Variants in OSGIN1 observed in about 807,000 individuals in gnomAD.
OSGIN1 encodes the protein oxidative stress-induced growth inhibitor 1.
A neutral mutation model predicts 20.1 loss-of-function variants in OSGIN1; 19 were observed. That is an observed-to-expected ratio of 0.95 (90% CI 0.66 to 1.39). OSGIN1 has a LOEUF of 1.39. Among genes scored for constraint, OSGIN1 ranks in the 40% most tolerant of loss-of-function variants. OSGIN1 has a pLI of 0.00. For missense variants in OSGIN1, 820 were observed against 653.0 expected (o/e 1.26, Z -2.79); for synonymous variants, 368 against 297.8 (o/e 1.24, Z -2.43).
chr16:83,955,791 A>C (rs1908898436), intron 1 of OSGIN1, among the ~76,000 whole-genome samples: 1 of 152,122 alleles, frequency 6.6e-6, no homozygotes, highest in South Asian at 2.1e-4. Context: ...GCTGAGCATG[A>C]AGAGGCCATG....
chr16:83,957,159 C>A (rs1908968757), intron 1 of OSGIN1: 1 of 158,204 alleles, frequency 6.3e-6, no homozygotes, highest in Non-Finnish European at 1.4e-5. Context: ...GATGAGGAAA[C>A]TGAGACCCAG....
chr16:83,957,737 G>A lies in OSGIN1; in HGVS notation c.66G>A (p.Val22=). Residue 22 remains valine (V), a splice_region_variant and synonymous_variant, in exon 2 of 6, where the codon GTG becomes GTA. Coordinates refer to ENST00000393306, the MANE Select transcript of OSGIN1 (RefSeq NM_182981.3). ...SSSEPLPVII[V]GNGPSGICLS... ...CAGAGCCCCTCCCGGTCATCATTGTGGGTGAGTGTCAGGCCCCAGCCAGGG... is the reference window on the plus strand; with the variant it reads ...CAGAGCCCCTCCCGGTCATCATTGTAGGTGAGTGTCAGGCCCCAGCCAGGG... 1 of 1,581,278 alleles carries A rather than the reference G, an allele frequency of 6.3e-7. No individual in the cohort carries two copies. The highest frequency in any genetic ancestry group is 2.3e-5 in the East Asian group (1 of 43,056).
intron 1 of OSGIN1, among the ~76,000 whole-genome samples, chr16:83,956,183 A>C (rs1021437252): frequency 1.3e-5 from 2 of 152,220 alleles, no homozygotes; most frequent in Admixed American, 6.5e-5. Context: ...AGGTCCTCTC[A>C]GTGGCCCATC....
At position 83,953,318 on chromosome 16, in the gene OSGIN1, C is replaced by A; in HGVS notation, c.-85C>A. ...CTGTGATCCGTGTTCCCCTGACCCT[C>A]CTAGTGCACAACTTGGCCGGGCTCA... On this transcript the variant is annotated 5_prime_UTR_variant, in exon 1 of 6. Coordinates refer to ENST00000393306, the MANE Select transcript of OSGIN1 (RefSeq NM_182981.3). 7.8e-7 allele frequency: 1 copy of A among 1,289,012 alleles called. No individual in the cohort carries two copies. The highest frequency in any genetic ancestry group is 1.0e-6 in the Non-Finnish European group (1 of 988,578). The allele number at this position is 1,289,012 out of a possible 1,614,324, so 79.8% of individuals were successfully genotyped here. A position where few individuals can be genotyped will look rare whatever the true frequency, so the allele number is the denominator to read the frequency against.
intron 5 of OSGIN1, among the ~76,000 whole-genome samples, chr16:83,964,068 C>T: frequency 6.6e-6 from 1 of 152,172 alleles, no homozygotes; most frequent in East Asian, 1.9e-4. Context: ...CTTTGGGAGG[C>T]CGAGGCTGGT....
chr16:83,960,795 G>A, intron 4 of OSGIN1, 35 bp downstream of exon 4: 1 of 1,600,116 alleles, frequency 6.2e-7, no homozygotes, highest in Non-Finnish European at 8.5e-7. Flanking sequence ...CTTGTGGGGG[G>A]CTCTCTCCCT....
At chr16:83,954,732 G>C (rs1230889865) in intron 1 of OSGIN1, 2 of 984,292 alleles carry the variant, frequency 2.0e-6, no homozygotes, top group Non-Finnish European at 2.4e-6. Flanking sequence ...GGGAGCCCTG[G>C]ACTTGGAGCC....
chr16:83,959,044 TC>T (rs768361225), intron 2 of OSGIN1, among the ~76,000 whole-genome samples: 1 of 152,328 alleles, frequency 6.6e-6, no homozygotes, highest in East Asian at 1.9e-4. Context: ...TCAGTACAAT[TC>T]CTGGCACAGA....
intron 1 of OSGIN1, chr16:83,954,824 C>T: frequency 1.3e-6 from 1 of 755,240 alleles, no homozygotes; most frequent in Non-Finnish European, 1.6e-6. Context: ...CCTCATTGGC[C>T]AGCAGGGGCT....
chr16:83,958,507 C>CGTGA (rs1191665007), intron 2 of OSGIN1, among the ~76,000 whole-genome samples: 1 of 152,172 alleles, frequency 6.6e-6, no homozygotes, highest in East Asian at 1.9e-4. Flanking sequence ...GATTAAGCCA[C>CGTGA]GTGAGATGGT....
intron 1 of OSGIN1, among the ~76,000 whole-genome samples, chr16:83,957,375 C>T (rs1055585105): frequency 6.6e-6 from 1 of 151,610 alleles, no homozygotes; most frequent in Non-Finnish European, 1.5e-5. Context: ...GAGTGAGGCT[C>T]GGAGGGACAG....
intron 5 of OSGIN1, 59 bp downstream of exon 5, chr16:83,961,131 A>G (rs1323007795): frequency 5.4e-6 from 7 of 1,288,354 alleles, no homozygotes; most frequent in Non-Finnish European, 7.9e-6. Context: ...GAACCCAGAA[A>G]ATCTGAGACA....
At chr16:83,958,920 G>T (rs1332024893) in intron 2 of OSGIN1, among the ~76,000 whole-genome samples, 1 of 152,142 alleles carries the variant, frequency 6.6e-6, no homozygotes, top group East Asian at 1.9e-4. Flanking sequence ...CCTTCCGGCC[G>T]TGTGACCACA....
At position 83,959,327 on chromosome 16, in the gene OSGIN1, T is replaced by C. The variant is rs927928164; in HGVS notation, c.135T>C (p.Asp45=). ...GCTACACACCCTACACGAAGCCAGA[T>C]GCCATCCACCCACACCCCCTGCTGC... ...LSGYTPYTKP[D]AIHPHPLLQR... The change falls in exon 3 of 6, where the codon GAT becomes GAC. Residue 45 remains aspartate, a synonymous_variant. Transcript: ENST00000393306. The C allele has an allele frequency of 6.8e-6, 11 of 1,613,844 alleles. No homozygotes were observed. The highest frequency in any genetic ancestry group is 9.3e-6 in the Non-Finnish European group (11 of 1,179,984).
chr16:83,965,929 C>G lies in OSGIN1; in HGVS notation c.1356C>G (p.Asn452Lys). 6.2e-7 allele frequency: 1 copy of G among 1,612,592 alleles called. No homozygotes were observed. The highest frequency in any genetic ancestry group is 2.2e-5 in the East Asian group (1 of 44,866). The part of the protein sequence containing the change: ...LYAMGPLAGD[N>K]FVRFVQGGAL... ...CCATGGGGCCGCTGGCCGGGGACAA[C>G]TTCGTGAGGTTTGTGCAGGGGGGCG... Residue 452 changes from asparagine (N) to lysine (K), a missense_variant, in exon 6 of 6, where the codon AAC becomes AAG. By Grantham distance (94) the Asn-to-Lys change is moderately conservative (BLOSUM62 0). Coordinates refer to ENST00000393306, the MANE Select transcript of OSGIN1 (RefSeq NM_182981.3).
intron 4 of OSGIN1, 26 bp downstream of exon 4, chr16:83,960,786 T>A: frequency 6.2e-7 from 1 of 1,607,796 alleles, no homozygotes; most frequent in Non-Finnish European, 8.5e-7. Flanking sequence ...AGGGCATGGC[T>A]TGTGGGGGGC....
At chr16:83,958,795 C>T (rs568887826) in intron 2 of OSGIN1, among the ~76,000 whole-genome samples, 6 of 152,330 alleles carry the variant, frequency 3.9e-5, no homozygotes, top group East Asian at 3.9e-4. Flanking sequence ...CCCCAGGCCA[C>T]GTAGCAATCT....
Position 83,958,531 on chromosome 16 carries a change from CA to C in OSGIN1, c.68-725del, listed in dbSNP as rs576883227. Reference sequence around the variant, plus strand: ...ACGTGAGATGGTCATTTCTGTAAGGCAAAAGCAGATGGGTGCCTGTGATTTC... The same window carrying C: ...ACGTGAGATGGTCATTTCTGTAAGGCAAAGCAGATGGGTGCCTGTGATTTC... On this transcript the variant is annotated intron_variant, in intron 2 of 5. Transcript: ENST00000393306. Among the ~76,000 whole-genome samples, 6 of 152,308 alleles carry C rather than the reference CA, an allele frequency of 3.9e-5. No homozygotes were observed. In the South Asian group the frequency reaches 1.2e-3, roughly 32 times the overall value.
At chr16:83,959,199 C>G in intron 2 of OSGIN1, 61 bp from the exon 3 acceptor site, 4 of 1,239,696 alleles carry the variant, frequency 3.2e-6, no homozygotes, top group Non-Finnish European at 3.5e-6. Context: ...TCAAAGCCCT[C>G]CACAGTAGTG....
Sources: allele counts gnomAD v4.1 joint callset (sites outside exome capture counted in the v4.1 genomes callset), GRCh38; gene constraint gnomAD v4.1.1; transcripts MANE v1.5; gene names NCBI Gene and HGNC (gene_info 2026-07-23, HGNC 2026-07-21).